STAG1: variants seen among roughly 807,000 people sequenced by gnomAD.
STAG1 encodes the protein STAG1 cohesin complex component.
In STAG1, 26 loss-of-function variants were observed where a neutral mutation model predicts 170.9. That is an observed-to-expected ratio of 0.15 (90% confidence interval 0.11 to 0.21). The LOEUF (loss-of-function observed/expected upper bound fraction) is 0.21, where lower values mean the gene tolerates loss of function less well. Among genes scored for constraint, STAG1 ranks in the 10% least tolerant of loss-of-function variants. The pLI is 1.00. For synonymous variants in STAG1, 514 were observed against 497.7 expected, an observed-to-expected ratio of 1.03 and a Z score of -0.44; for missense variants, 964 against 1,509.5, an observed-to-expected ratio of 0.64 and a Z score of 5.99.
At chr3:136,394,219 T>A (rs957099190) in intron 22 of STAG1, among the ~76,000 whole-genome samples, 1 of 152,240 alleles carries the variant, frequency 6.6e-6, no homozygotes, top group African/African-American at 2.4e-5. Flanking sequence ...ACATGAATTT[T>A]TAAAGTTTGC....
chr3:136,411,529 T>C (rs1485373548), intron 21 of STAG1, among the ~76,000 whole-genome samples: 2 of 152,142 alleles, frequency 1.3e-5, no homozygotes, highest in Non-Finnish European at 2.9e-5. Context: ...ATGATTATTG[T>C]TGTTACACAA....
Position 136,541,457 on chromosome 3 carries a change from G to T in STAG1, c.471+662C>A, listed in dbSNP as rs572261937. ...AAAATGAGAAAGGTGATTAATTTGT[G>T]AAGCCAAGCAAAGAAAACATGTATT... On this transcript the variant is annotated intron_variant, in intron 6 of 33. Transcript: ENST00000383202. 2.0e-5 allele frequency among the ~76,000 whole-genome samples: 3 copies of T among 151,440 alleles called. No homozygotes were observed. In the South Asian group the frequency reaches 6.2e-4, roughly 32 times the overall value.
chr3:136,750,709 T>G (rs566039271), intron 1 of STAG1, among the ~76,000 whole-genome samples: 1 of 152,252 alleles, frequency 6.6e-6, no homozygotes, highest in Non-Finnish European at 1.5e-5. Flanking sequence ...AAAACACCTG[T>G]AGATCTTCTA....
chr3:136,467,688 C>T (rs1399271662), intron 12 of STAG1, among the ~76,000 whole-genome samples: 2 of 152,174 alleles, frequency 1.3e-5, no homozygotes, highest in African/African-American at 4.8e-5. Flanking sequence ...CTCTCCACCC[C>T]AAATCAACAG....
intron 5 of STAG1, among the ~76,000 whole-genome samples, chr3:136,559,001 G>C (rs975367132): frequency 6.6e-6 from 1 of 152,190 alleles, no homozygotes; most frequent in Non-Finnish European, 1.5e-5. Flanking sequence ...AACTGGAGGA[G>C]AGGGAGAAAG....
At chr3:136,621,812 T>C (rs910519453) in intron 3 of STAG1, among the ~76,000 whole-genome samples, 5 of 152,030 alleles carry the variant, frequency 3.3e-5, no homozygotes, top group African/African-American at 9.6e-5. Flanking sequence ...ATATAGACAA[T>C]AACTGGTTAA....
At chr3:136,557,523 T>C (rs1936670893) in intron 5 of STAG1, among the ~76,000 whole-genome samples, 1 of 152,170 alleles carries the variant, frequency 6.6e-6, no homozygotes, top group African/African-American at 2.4e-5. Flanking sequence ...ACGGTGTAAA[T>C]AATTTTTTAA....
intron 1 of STAG1, among the ~76,000 whole-genome samples, chr3:136,664,587 C>G (rs1214239852): frequency 6.6e-6 from 1 of 152,144 alleles, no homozygotes; most frequent in Non-Finnish European, 1.5e-5. Context: ...ATTCCCTAAT[C>G]ACTCCCTCCA....
intron 13 of STAG1, among the ~76,000 whole-genome samples, chr3:136,459,677 A>C (rs1294639363): frequency 6.6e-6 from 1 of 152,226 alleles, no homozygotes; most frequent in Non-Finnish European, 1.5e-5. Context: ...TTTTTTAACC[A>C]TAATGCAATA....
chr3:136,592,571 A>G lies in STAG1; in HGVS notation c.297+11738T>C, dbSNP rs1293440432. On this transcript the variant is annotated intron_variant, in intron 4 of 33. Coordinates refer to ENST00000383202, the MANE Select transcript of STAG1 (RefSeq NM_005862.3). ...CTTGCCCATATATTCAACTCCCTCA[A>G]CCCTTGATCTCTATCTTCTTATATT... 3.3e-5 allele frequency among the ~76,000 whole-genome samples: 5 copies of G among 152,150 alleles called. No homozygotes were observed. In the East Asian group the frequency reaches 9.6e-4, roughly 29 times the overall value.
rs1028979776 is a variant in STAG1, at chr3:136,496,679, C to T, written c.902+3544G>A. On this transcript the variant is annotated intron_variant, in intron 9 of 33. Coordinates refer to ENST00000383202, the MANE Select transcript of STAG1 (RefSeq NM_005862.3). ...TTAAAAAATTTATAGGAGTAAATTC[C>T]CTTATTAGAAAAAAAGTGTCAAATC... 7.2e-5 allele frequency among the ~76,000 whole-genome samples: 11 copies of T among 151,878 alleles called. No homozygotes were observed. The East Asian group carries it at 1.9e-3, about 27-fold the overall frequency.
chr3:136,634,561 A>C (rs1940473902), intron 1 of STAG1, among the ~76,000 whole-genome samples: 1 of 151,924 alleles, frequency 6.6e-6, no homozygotes, highest in African/African-American at 2.4e-5. Flanking sequence ...TATGGGATGC[A>C]GCAAAAGCAG....
At chr3:136,584,927 C>G (rs1937734037) in intron 4 of STAG1, among the ~76,000 whole-genome samples, 2 of 152,170 alleles carry the variant, frequency 1.3e-5, no homozygotes, top group Non-Finnish European at 2.9e-5. Context: ...TCAGGACACT[C>G]AATGAACTAC....
intron 21 of STAG1, among the ~76,000 whole-genome samples, chr3:136,402,789 T>G (rs957386158): frequency 1.3e-5 from 2 of 151,930 alleles, no homozygotes; most frequent in African/African-American, 4.8e-5. Context: ...ATCATGCCAC[T>G]GTACCCCAGC....
At chr3:136,574,361 C>A (rs1044933422) in intron 4 of STAG1, among the ~76,000 whole-genome samples, 3 of 152,028 alleles carry the variant, frequency 2.0e-5, no homozygotes, top group Non-Finnish European at 4.4e-5. Context: ...CACACACACA[C>A]ACACGCACAT....
chr3:136,714,980 T>TA (rs1943494650), intron 1 of STAG1, among the ~76,000 whole-genome samples: 1 of 109,746 alleles, frequency 9.1e-6, no homozygotes, highest in Non-Finnish European at 2.1e-5. Context: ...ATATATATTT[T>TA]TATATATATA....
intron 6 of STAG1, among the ~76,000 whole-genome samples, chr3:136,530,100 G>A (rs1323689500): frequency 6.6e-6 from 1 of 152,068 alleles, no homozygotes; most frequent in Admixed American, 6.5e-5. Flanking sequence ...CTTATGATGA[G>A]TGAAACAAAC....
chr3:136,507,419 A>C (rs1933820940), intron 7 of STAG1, among the ~76,000 whole-genome samples: 1 of 152,186 alleles, frequency 6.6e-6, no homozygotes, highest in Admixed American at 6.5e-5. Flanking sequence ...AATAGAGCAC[A>C]GTGGTGCAAT....
chr3:136,539,538 T>A (rs910912624), intron 6 of STAG1, among the ~76,000 whole-genome samples: 1 of 152,180 alleles, frequency 6.6e-6, no homozygotes, highest in Admixed American at 6.5e-5. Context: ...TTAAAACATA[T>A]GAAAACTATG....
Sources: allele counts gnomAD v4.1 joint callset (sites outside exome capture counted in the v4.1 genomes callset), GRCh38; gene constraint gnomAD v4.1.1; transcripts MANE v1.5; gene names NCBI Gene and HGNC (gene_info 2026-07-23, HGNC 2026-07-21).